The following TSHZ2 variants were observed in gnomAD, a reference collection of about 807,000 sequenced individuals.
TSHZ2 encodes teashirt zinc finger homeobox 2.
Under a neutral mutation model 74.4 loss-of-function variants are expected in TSHZ2, and 21 were observed. That is an observed-to-expected ratio of 0.28 (90% CI 0.20 to 0.41). TSHZ2 has a LOEUF of 0.41. TSHZ2 is among the 10% of genes least tolerant of loss of function. The probability of loss-of-function intolerance (pLI) is 1.00; values close to 1 mark genes in which losing one functional copy is unlikely to be tolerated. For synonymous variants in TSHZ2, 540 were observed against 515.3 expected (o/e 1.05, Z -0.65); for missense variants, 1,244 against 1,293.5 (o/e 0.96, Z 0.59).
At chr20:53,234,411 A>G (rs1363549548) in intron 1 of TSHZ2, among the ~76,000 whole-genome samples, 1 of 152,260 alleles carries the variant, frequency 6.6e-6, no homozygotes, top group East Asian at 1.9e-4. Context: ...CCAAAGAGAC[A>G]AAGATACCGG....
intron 1 of TSHZ2, among the ~76,000 whole-genome samples, chr20:53,222,861 A>C (rs1989595230): frequency 6.6e-6 from 1 of 152,246 alleles, no homozygotes. Flanking sequence ...ATTGACAAAG[A>C]AACTACAGCA....
chr20:52,981,983 T>A (rs1981585029), intron 1 of TSHZ2, among the ~76,000 whole-genome samples: 1 of 152,150 alleles, frequency 6.6e-6, no homozygotes, highest in Admixed American at 6.5e-5. Context: ...AGCTAGAGAA[T>A]ATACAAAGAA....
At chr20:53,294,970 G>C (rs943056931) in intron 2 of TSHZ2, among the ~76,000 whole-genome samples, 1 of 152,178 alleles carries the variant, frequency 6.6e-6, no homozygotes, top group African/African-American at 2.4e-5. Flanking sequence ...TGTTCCCTTG[G>C]ATTTGCTCAT....
Position 53,255,961 on chromosome 20 carries a change from G to T in TSHZ2, c.2503G>T (p.Val835Phe), listed in dbSNP as rs1365999617. The T allele has an allele frequency of 6.2e-7, 1 of 1,614,102 alleles. No individual in the cohort carries two copies. The highest frequency in any genetic ancestry group is 8.5e-7 in the Non-Finnish European group (1 of 1,179,982). Reference sequence around the variant, plus strand: ...GCGCTTTGAGGATGTCTCCAGTGAAGTCTCAACTTTGCATAAAAGAAAAGG... The same window carrying T: ...GCGCTTTGAGGATGTCTCCAGTGAATTCTCAACTTTGCATAAAAGAAAAGG... Reference protein sequence around the residue: ...VRRFEDVSSEVSTLHKRKGRQ... With the variant: ...VRRFEDVSSEFSTLHKRKGRQ... Residue 835 changes from valine to phenylalanine, a missense_variant, in exon 2 of 3, where the codon GTC becomes TTC. Coordinates refer to ENST00000371497, the MANE Select transcript of TSHZ2 (RefSeq NM_173485.6). This position sits in a 1 kb window ranked among gnomAD's most constrained non-coding sequence, Gnocchi z 4.1.
chr20:53,014,695 G>T (rs1289903668), intron 1 of TSHZ2, among the ~76,000 whole-genome samples: 1 of 152,052 alleles, frequency 6.6e-6, no homozygotes, highest in East Asian at 1.9e-4. Context: ...TCTATCTCTT[G>T]TTAACACTTA....
chr20:53,267,457 A>C (rs1263099090), intron 2 of TSHZ2, among the ~76,000 whole-genome samples: 1 of 152,226 alleles, frequency 6.6e-6, no homozygotes, highest in Admixed American at 6.5e-5. Context: ...ACATCTTTCA[A>C]TAATCTCACA....
chr20:52,983,157 C>T (rs1008510452), intron 1 of TSHZ2, among the ~76,000 whole-genome samples: 1 of 152,118 alleles, frequency 6.6e-6, no homozygotes, highest in African/African-American at 2.4e-5. Flanking sequence ...AGAGTCAAGC[C>T]GACCTGGGGT....
intron 2 of TSHZ2, among the ~76,000 whole-genome samples, chr20:53,347,195 T>A (rs929356735): frequency 6.6e-6 from 1 of 152,208 alleles, no homozygotes; most frequent in Non-Finnish European, 1.5e-5. Context: ...TCATTCTTCG[T>A]TGGGGTGGGA....
intron 1 of TSHZ2, among the ~76,000 whole-genome samples, chr20:53,114,496 C>T (rs1398995700): frequency 6.6e-6 from 1 of 152,168 alleles, no homozygotes; most frequent in Non-Finnish European, 1.5e-5. Flanking sequence ...ATACAGTAAG[C>T]ACTCCATAAA....
chr20:53,391,450 TTTTG>T (rs1364141533), intron 2 of TSHZ2, among the ~76,000 whole-genome samples: 286 of 151,680 alleles, frequency 1.9e-3, no homozygotes, highest in African/African-American at 6.1e-3. Context: ...AGGCCGTTTT[TTTTG>T]TTTGTTTGTT....
chr20:53,122,566 C>T (rs931773439), intron 1 of TSHZ2, among the ~76,000 whole-genome samples: 3 of 152,080 alleles, frequency 2.0e-5, no homozygotes, highest in African/African-American at 7.2e-5. Flanking sequence ...GTACTCCAGC[C>T]CAAGGTGTTT....
At chr20:53,195,816 C>G (rs1325903807) in intron 1 of TSHZ2, among the ~76,000 whole-genome samples, 2 of 152,148 alleles carry the variant, frequency 1.3e-5, no homozygotes, top group Admixed American at 1.3e-4. Flanking sequence ...TAGTATTTCA[C>G]GGAGCAGCCC....
At chr20:53,297,640 C>T (rs1991405158) in intron 2 of TSHZ2, among the ~76,000 whole-genome samples, 1 of 152,242 alleles carries the variant, frequency 6.6e-6, no homozygotes, top group African/African-American at 2.4e-5. Flanking sequence ...GTAGCAGGAA[C>T]TCTGCAGTCT....
chr20:52,997,865 G>A (rs1600637497), intron 1 of TSHZ2, among the ~76,000 whole-genome samples: 1 of 152,270 alleles, frequency 6.6e-6, no homozygotes, highest in East Asian at 1.9e-4. Context: ...AAACTCCCCT[G>A]CTTTTAGGAT....
intron 2 of TSHZ2, among the ~76,000 whole-genome samples, chr20:53,325,778 T>G (rs772974193): frequency 4.6e-5 from 7 of 152,204 alleles, no homozygotes; most frequent in South Asian, 2.1e-4. Context: ...TAGTATCTTT[T>G]TTTTGTTTTG....
chr20:53,037,158 A>G (rs559232732), intron 1 of TSHZ2, among the ~76,000 whole-genome samples: 65 of 152,222 alleles, frequency 4.3e-4, no homozygotes, highest in Middle Eastern at 3.4e-3. Context: ...GCCGCCTCCG[A>G]GGTCGGGGCT....
At chr20:53,020,783 A>G (rs576798823) in intron 1 of TSHZ2, among the ~76,000 whole-genome samples, 1 of 152,308 alleles carries the variant, frequency 6.6e-6, no homozygotes, top group African/African-American at 2.4e-5. Context: ...AATCTGATAA[A>G]AATAAAAGAA....
intron 1 of TSHZ2, among the ~76,000 whole-genome samples, chr20:53,102,167 GATAA>G (rs1049784244): frequency 1.3e-5 from 2 of 152,028 alleles, no homozygotes; most frequent in African/African-American, 4.8e-5. Context: ...TCCTGTATTG[GATAA>G]ATAATGGACA....
intron 1 of TSHZ2, among the ~76,000 whole-genome samples, chr20:53,079,553 A>T (rs1892204): frequency 0.42 from 63,686 of 151,616 alleles, 14,128 homozygotes; most frequent in Admixed American, 0.53. Flanking sequence ...GAATGCAGAG[A>T]CTTCAAGTCT....
Sources: allele counts gnomAD v4.1 joint callset (sites outside exome capture counted in the v4.1 genomes callset), GRCh38; gene constraint gnomAD v4.1.1; non-coding constraint Gnocchi (gnomAD v3.1); transcripts MANE v1.5; gene names NCBI Gene and HGNC (gene_info 2026-07-23, HGNC 2026-07-21).